PITPNM3: variants seen among roughly 807,000 people sequenced by gnomAD.
PITPNM3 encodes PITPNM family member 3.
In PITPNM3, 26 loss-of-function variants were observed where a neutral mutation model predicts 102.0. The observed-to-expected ratio is 0.25, with a 90% CI of 0.19 to 0.35. The LOEUF is 0.35. Among genes scored for constraint, PITPNM3 ranks in the 10% least tolerant of loss-of-function variants. The pLI is 1.00. For synonymous variants in PITPNM3, 578 were observed against 558.6 expected (o/e 1.03, Z -0.49); for missense variants, 1,083 against 1,346.1 (o/e 0.80, Z 3.06).
intron 4 of PITPNM3, among the ~76,000 whole-genome samples, chr17:6,489,579 A>G (rs1027493780): frequency 2.6e-5 from 4 of 151,828 alleles, no homozygotes; most frequent in Admixed American, 2.6e-4. Context: ...GTTCTTACTA[A>G]TGCCTCCACC....
At chr17:6,504,283 C>T (rs776884381) in intron 3 of PITPNM3, among the ~76,000 whole-genome samples, 1 of 152,302 alleles carries the variant, frequency 6.6e-6, no homozygotes, top group East Asian at 1.9e-4. Context: ...ATCTCCACAG[C>T]CCACACTCCA....
chr17:6,464,193 G>A lies in PITPNM3; in HGVS notation c.2133C>T (p.Val711=). 6.2e-7 allele frequency: 1 copy of A among 1,614,200 alleles called. No individual in the cohort carries two copies. The highest frequency in any genetic ancestry group is 2.2e-5 in the East Asian group (1 of 44,876). Residue 711 remains valine, a synonymous_variant, in exon 16 of 20, where the codon GTC becomes GTT. Coordinates refer to ENST00000262483, the MANE Select transcript of PITPNM3 (RefSeq NM_031220.4). ...VPRPRRLGVG[V]YPVKMVVRGD... ...ACCTGACGACCATCTTCACAGGATA[G>A]ACACCAACCCCCAGGCGCCGGGGCC...
At chr17:6,524,578 G>A (rs1324287206) in intron 3 of PITPNM3, among the ~76,000 whole-genome samples, 2 of 152,114 alleles carry the variant, frequency 1.3e-5, no homozygotes, top group African/African-American at 2.4e-5. Flanking sequence ...TTGCTTCACT[G>A]TCAGGAGCCC....
chr17:6,477,134 C>T lies in PITPNM3; in HGVS notation c.980G>A (p.Ser327Asn), dbSNP rs752130413. Residue 327 changes from serine to asparagine, a missense_variant, in exon 9 of 20, where the codon AGT becomes AAT. Coordinates refer to ENST00000262483, the MANE Select transcript of PITPNM3 (RefSeq NM_031220.4). Reference protein sequence around the residue: ...RLSKSNIDISSGLEDEEPKRP... With the variant: ...RLSKSNIDISNGLEDEEPKRP... ...CTTGGGCTCCTCATCCTCCAACCCA[C>T]TGGAGATGTCAATGTTGCTTTTGCT... 2 of 1,614,218 alleles carry T rather than the reference C, an allele frequency of 1.2e-6. No individual in the cohort carries two copies. Among genetic ancestry groups the T allele is most frequent in the East Asian group, 2.2e-5 (1 of 44,892 alleles).
chr17:6,478,919 A>C lies in PITPNM3; in HGVS notation c.588-183T>G, dbSNP rs1905493143. The stretch of plus-strand genomic sequence containing the variant: ...GGCAGTGTGGGGAGGAGAGGGGAAG[A>C]GGATTCAAGCCTACACTGACTCCCT... On this transcript the variant is annotated intron_variant, in intron 6 of 19. Transcript: ENST00000262483. This position sits in a 1 kb window ranked among gnomAD's most constrained non-coding sequence, Gnocchi z 4.4. The C allele has an allele frequency of 1.6e-6, 1 of 635,572 alleles. No homozygotes were observed. The highest frequency in any genetic ancestry group is 2.0e-5 in the South Asian group (1 of 50,974). The allele number at this position is 635,572 out of a possible 1,614,324, so 39.4% of individuals were successfully genotyped here. A position where few individuals can be genotyped will look rare whatever the true frequency, so the allele number is the denominator to read the frequency against.
chr17:6,531,417 T>G (rs1240080516), intron 2 of PITPNM3, among the ~76,000 whole-genome samples: 2 of 152,232 alleles, frequency 1.3e-5, no homozygotes, highest in East Asian at 3.9e-4. Flanking sequence ...CTGGGAAACC[T>G]GGGCTGCTCT....
At chr17:6,530,507 G>A (rs1909086183) in intron 2 of PITPNM3, among the ~76,000 whole-genome samples, 1 of 152,188 alleles carries the variant, frequency 6.6e-6, no homozygotes, top group South Asian at 2.1e-4. Context: ...CAGCCAGGCT[G>A]GCCACTGAGA....
At position 6,457,589 on chromosome 17, in the gene PITPNM3, C is replaced by T; in HGVS notation, c.2619+5G>A. The T allele has an allele frequency of 6.2e-7, 1 of 1,604,386 alleles. No homozygotes were observed. The highest frequency in any genetic ancestry group is 8.5e-7 in the Non-Finnish European group (1 of 1,174,422). On this transcript the variant is annotated splice_donor_5th_base_variant and intron_variant, in intron 19 of 19. Transcript: ENST00000262483. This position sits in a 1 kb window ranked among gnomAD's most constrained non-coding sequence, Gnocchi z 4.7. Reference sequence around the variant, plus strand: ...CTCCCCGCCTCCAGCCCCGCCTCCACCCACCTGGCACTGGGTTTGGTACTT... The same window carrying T: ...CTCCCCGCCTCCAGCCCCGCCTCCATCCACCTGGCACTGGGTTTGGTACTT...
intron 4 of PITPNM3, among the ~76,000 whole-genome samples, chr17:6,490,237 G>C (rs1190543442): frequency 1.3e-5 from 2 of 152,014 alleles, no homozygotes; most frequent in Non-Finnish European, 2.9e-5. Flanking sequence ...AGAAAGAAGG[G>C]GACACACACA....
Position 6,470,353 on chromosome 17 carries a change from A to T in PITPNM3, c.1680T>A (p.Asp560Glu). ...CCACGGTGGGGAAGGCCGTGAGGACATCAGGGCAGTACAGGGCATAGTCGA... is the reference window on the plus strand; with the variant it reads ...CCACGGTGGGGAAGGCCGTGAGGACTTCAGGGCAGTACAGGGCATAGTCGA... ...KRIDYALYCP[D>E]VLTAFPTVAL... is the part of the protein sequence containing the mutation. The change falls in exon 13 of 20, where the codon GAT becomes GAA. Residue 560 changes from aspartate to glutamate, a missense_variant. Asp to Glu is a conservative substitution (Grantham distance 45). Around this residue, in one of 5 missense-constraint regions of PITPNM3, gnomAD observed 410 missense variants for 638.4 expected, o/e 0.64. Coordinates refer to ENST00000262483, the MANE Select transcript of PITPNM3 (RefSeq NM_031220.4). This position sits in a 1 kb window ranked among gnomAD's most constrained non-coding sequence, Gnocchi z 4.8. 1 of 1,614,154 alleles carries T rather than the reference A, an allele frequency of 6.2e-7. No individual in the cohort carries two copies. Among genetic ancestry groups the T allele is most frequent in the Non-Finnish European group, 8.5e-7 (1 of 1,179,988 alleles).
intron 2 of PITPNM3, among the ~76,000 whole-genome samples, chr17:6,535,748 GTC>G (rs1909378943): frequency 6.6e-6 from 1 of 151,728 alleles, no homozygotes; most frequent in Non-Finnish European, 1.5e-5. Flanking sequence ...GTGAAACCCT[GTC>G]TCTACTAAAA....
chr17:6,474,729 G>T (rs1905227097), intron 9 of PITPNM3, 125 bp from the exon 10 acceptor site: 3 of 1,203,952 alleles, frequency 2.5e-6, no homozygotes, highest in Non-Finnish European at 3.5e-6. Flanking sequence ...TCTGGGGCGG[G>T]GCTGAGAGTC....
intron 1 of PITPNM3, among the ~76,000 whole-genome samples, chr17:6,542,669 C>T (rs1909794668): frequency 1.3e-5 from 2 of 152,170 alleles, no homozygotes; most frequent in Non-Finnish European, 2.9e-5. Context: ...ATGACATCAG[C>T]CCCCAGAGCG....
At chr17:6,484,453 C>A (rs1333263767) in intron 4 of PITPNM3, among the ~76,000 whole-genome samples, 161 bp from the exon 5 acceptor site, 1 of 152,200 alleles carries the variant, frequency 6.6e-6, no homozygotes, top group South Asian at 2.1e-4. Flanking sequence ...CCAGGCCCTG[C>A]CTCTGAAACC....
At chr17:6,483,420 T>C (rs1005603617) in intron 6 of PITPNM3, 97 bp downstream of exon 6, 261 of 1,197,004 alleles carry the variant, frequency 2.2e-4, no homozygotes, top group Admixed American at 1.6e-4. Flanking sequence ...TCCTTGCAGG[T>C]ACCCACCTGC....
At chr17:6,504,845 G>T (rs948638063) in intron 3 of PITPNM3, among the ~76,000 whole-genome samples, 3 of 152,156 alleles carry the variant, frequency 2.0e-5, no homozygotes, top group African/African-American at 7.2e-5. Flanking sequence ...ACTGGTACTT[G>T]CCTCGGAGGG....
Position 6,537,903 on chromosome 17 carries a change from G to T in PITPNM3, c.118+84C>A. 1 of 1,130,456 alleles carries T rather than the reference G, an allele frequency of 8.8e-7. No individual in the cohort carries two copies. The highest frequency in any genetic ancestry group is 1.3e-6 in the Non-Finnish European group (1 of 756,954). The allele number at this position is 1,130,456 out of a possible 1,614,324, so 70.0% of individuals were successfully genotyped here. A position where few individuals can be genotyped will look rare whatever the true frequency, so the allele number is the denominator to read the frequency against. On this transcript the variant is annotated intron_variant, in intron 2 of 19. Coordinates refer to ENST00000262483, the MANE Select transcript of PITPNM3 (RefSeq NM_031220.4). The surrounding 1 kb of genome is among the most constrained non-coding windows in gnomAD (Gnocchi z 4.4). Reference sequence around the variant, plus strand: ...CAGATACCACGTCTGAGTGGGGAGGGATGCGGACCCCCAAATGGGATCTTC... The same window carrying T: ...CAGATACCACGTCTGAGTGGGGAGGTATGCGGACCCCCAAATGGGATCTTC...
At chr17:6,525,502 C>G in intron 2 of PITPNM3, 39 bp from the exon 3 acceptor site, 1 of 1,496,528 alleles carries the variant, frequency 6.7e-7, no homozygotes, top group Non-Finnish European at 9.3e-7. Flanking sequence ...GCAGGTGCAG[C>G]TAGGGATAGG....
chr17:6,461,690 G>C (rs1438870063), intron 17 of PITPNM3, 134 bp from the exon 18 acceptor site: 1 of 1,046,292 alleles, frequency 9.6e-7, no homozygotes. Context: ...GAGAACAAGG[G>C]GGACCCCGAA....
Sources: allele counts gnomAD v4.1 joint callset (sites outside exome capture counted in the v4.1 genomes callset), GRCh38; gene constraint gnomAD v4.1.1; regional missense constraint gnomAD v4.1.1; non-coding constraint Gnocchi (gnomAD v3.1); transcripts MANE v1.5; gene names NCBI Gene and HGNC (gene_info 2026-07-23, HGNC 2026-07-21).